The following COL4A5 variants were observed in gnomAD, a reference collection of about 807,000 sequenced individuals.
COL4A5 encodes collagen type IV alpha 5 chain.
In COL4A5, 26 loss-of-function variants were observed where a neutral mutation model predicts 130.2. That is an observed-to-expected ratio of 0.20 (90% confidence interval 0.15 to 0.28). The LOEUF is 0.28. Among genes scored for constraint, COL4A5 ranks in the 10% least tolerant of loss-of-function variants. COL4A5 has a pLI of 1.00. For missense variants in COL4A5, 1,131 were observed against 1,344.3 expected (o/e 0.84, Z 2.48); for synonymous variants, 496 against 439.6 (o/e 1.13, Z -1.60).
intron 50 of COL4A5, chrX:108,694,548 G>A (rs761536678): frequency 2.6e-5 from 10 of 383,029 alleles, no homozygotes; most frequent in Non-Finnish European, 3.2e-5. Flanking sequence ...AGTATGAATA[G>A]ACATTTAGGG....
At chrX:108,664,568 A>T (rs1441617379) in intron 37 of COL4A5, among the ~76,000 whole-genome samples, 1 of 112,219 alleles carries the variant, frequency 8.9e-6, no homozygotes, top group Non-Finnish European at 1.9e-5. Flanking sequence ...GATAGATTAG[A>T]TTTAAATTTT....
chrX:108,567,561 T>C (rs1465080958), intron 4 of COL4A5, among the ~76,000 whole-genome samples: 1 of 111,724 alleles, frequency 9.0e-6, no homozygotes, highest in Non-Finnish European at 1.9e-5. Flanking sequence ...AGTTGTGTAT[T>C]AGTCTGTTCT....
intron 1 of COL4A5, among the ~76,000 whole-genome samples, chrX:108,531,918 T>G (rs2065390901): frequency 9.0e-6 from 1 of 111,393 alleles, no homozygotes; most frequent in South Asian, 3.7e-4. Context: ...AGACCAATAA[T>G]GAGTAGTGAG....
chrX:108,550,287 A>G (rs2065731901), intron 2 of COL4A5, among the ~76,000 whole-genome samples: 1 of 111,929 alleles, frequency 8.9e-6, no homozygotes, highest in Admixed American at 9.5e-5. Context: ...TTAAAATTTT[A>G]GCAAATCAAA....
At chrX:108,483,260 A>G (rs930062597) in intron 1 of COL4A5, among the ~76,000 whole-genome samples, 1 of 107,451 alleles carries the variant, frequency 9.3e-6, no homozygotes, top group African/African-American at 3.4e-5. Flanking sequence ...TGTAAAGGGG[A>G]GTTTATTACG....
At chrX:108,541,307 A>T (rs2147662593) in intron 2 of COL4A5, among the ~76,000 whole-genome samples, 1 of 112,213 alleles carries the variant, frequency 8.9e-6, no homozygotes. Context: ...TTCATATAAT[A>T]GTAGAGTGAT....
intron 1 of COL4A5, among the ~76,000 whole-genome samples, chrX:108,493,213 A>G (rs2065006910): frequency 8.9e-6 from 1 of 111,906 alleles, no homozygotes; most frequent in South Asian, 3.7e-4. Flanking sequence ...GAGGAATTCA[A>G]TAAGTGAGTC....
At position 108,665,475 on chromosome X, in the gene COL4A5, C is replaced by A. The variant is rs368888358; in HGVS notation, c.3374-32C>A. The A allele has an allele frequency of 8.5e-6, 9 of 1,060,021 alleles. No homozygotes were observed. The African/African-American group carries it at 1.5e-4, about 17-fold the overall frequency. 87.4% of individuals were successfully genotyped at this position (1,060,021 alleles called of 1,213,427 possible). ...TAGCTCTTAAAGCAATGCAGTTTTTCTTTCATTTTTAAATTGAGCTCTTTA... is the reference window on the plus strand; with the variant it reads ...TAGCTCTTAAAGCAATGCAGTTTTTATTTCATTTTTAAATTGAGCTCTTTA... On this transcript the variant is annotated intron_variant, in intron 37 of 52. Transcript: ENST00000328300.
chrX:108,468,979 T>C (rs2064736910), intron 1 of COL4A5, among the ~76,000 whole-genome samples: 1 of 110,939 alleles, frequency 9.0e-6, no homozygotes, highest in South Asian at 3.8e-4. Flanking sequence ...TATCTAGCTA[T>C]GGACTTTACT....
intron 1 of COL4A5, among the ~76,000 whole-genome samples, chrX:108,474,909 A>T (rs2147515201): frequency 9.0e-6 from 1 of 111,046 alleles, no homozygotes. Flanking sequence ...CTGACTGTAG[A>T]TGTATGGGTT....
chrX:108,637,328 A>G (rs956248882), intron 36 of COL4A5, among the ~76,000 whole-genome samples: 1 of 111,575 alleles, frequency 9.0e-6, no homozygotes, highest in Non-Finnish European at 1.9e-5. Flanking sequence ...TAATAGCTGT[A>G]AATACTTACA....
chrX:108,536,693 C>A (rs1016743088), intron 1 of COL4A5, among the ~76,000 whole-genome samples: 2 of 111,203 alleles, frequency 1.8e-5, no homozygotes, highest in Middle Eastern at 4.2e-3. Context: ...TACTTTCAGG[C>A]TCAAGGGAAC....
At chrX:108,469,125 A>G (rs773199237) in intron 1 of COL4A5, among the ~76,000 whole-genome samples, 1 of 100,727 alleles carries the variant, frequency 9.9e-6, no homozygotes, top group South Asian at 4.4e-4. Flanking sequence ...AGGTTGCCTA[A>G]TTTACTGGTG....
Position 108,572,992 on chromosome X carries a change from G to A in COL4A5, c.466-582G>A, listed in dbSNP as rs2066089642. 2.7e-5 allele frequency among the ~76,000 whole-genome samples: 3 copies of A among 110,888 alleles called. No homozygotes were observed. In the Admixed American group the frequency reaches 2.9e-4, roughly 11 times the overall value. ...GCTTTTAGGGTCTTTTGTATATATG[G>A]TTTACTTTGCCTAATATTCTTCCTC... On this transcript the variant is annotated intron_variant, in intron 8 of 52. Coordinates refer to ENST00000328300, the MANE Select transcript of COL4A5 (RefSeq NM_033380.3).
chrX:108,693,936 C>T (rs2068680711), intron 50 of COL4A5: 1 of 110,983 alleles, frequency 9.0e-6, no homozygotes, highest in Non-Finnish European at 1.9e-5. Context: ...GCTGGAAATT[C>T]TCGTTCCTTT....
intron 1 of COL4A5, among the ~76,000 whole-genome samples, chrX:108,514,861 T>A (rs1040026873): frequency 9.0e-6 from 1 of 111,401 alleles, no homozygotes; most frequent in African/African-American, 3.3e-5. Flanking sequence ...GTTTGGACAT[T>A]TATAAATTAT....
rs267606312 is a variant in COL4A5, at chrX:108,614,982, C to T, written c.2467C>T (p.Pro823Ser). The change falls in exon 30 of 53, where the codon CCA (proline) becomes TCA (serine). Residue 823 changes from proline to serine, a missense_variant. Coordinates refer to ENST00000328300, the MANE Select transcript of COL4A5 (RefSeq NM_033380.3). Reference sequence around the variant, plus strand: ...GCTGCCAGGAATAGGTGTTCAGGGACCACCAGGACCACCAGGGATTCCTGG... The same window carrying T: ...GCTGCCAGGAATAGGTGTTCAGGGATCACCAGGACCACCAGGGATTCCTGG... ...PGLPGIGVQG[P>S]PGPPGIPGPI... The T allele has an allele frequency of 1.7e-6, 2 of 1,208,462 alleles. No individual in the cohort carries two copies. The highest frequency in any genetic ancestry group is 4.4e-5 in the Admixed American group (2 of 45,955).
intron 49 of COL4A5, among the ~76,000 whole-genome samples, chrX:108,688,205 T>A (rs1324938531): frequency 9.0e-6 from 1 of 111,536 alleles, no homozygotes; most frequent in Non-Finnish European, 1.9e-5. Context: ...ATTGCTGGAG[T>A]CATTTAAAGC....
In COL4A5 at chrX:108,625,743, C is replaced by G. The variant is rs1177516275; in HGVS notation, c.3055C>G (p.Leu1019Val). ...GNPGLPGQPG[L>V]IGPPGLKGTI... is the part of the protein sequence containing the mutation. ...CCCTGGTCTCCCTGGACAGCCAGGT[C>G]TTATAGGACCTCCTGGACTTAAAGG... Residue 1019 changes from leucine (L) to valine (V), a missense_variant, in exon 35 of 53, where the codon CTT becomes GTT. Physicochemically the swap from Leu to Val is conservative, Grantham distance 32. Coordinates refer to ENST00000328300, the MANE Select transcript of COL4A5 (RefSeq NM_033380.3). 8.3e-7 allele frequency: 1 copy of G among 1,206,572 alleles called. No individual in the cohort carries two copies. Among genetic ancestry groups the G allele is most frequent in the Non-Finnish European group, 1.1e-6 (1 of 892,139 alleles).
Sources: gnomAD v4.1 joint callset for allele counts (sites outside exome capture counted in the v4.1 genomes callset) on GRCh38, gnomAD v4.1.1 for gene constraint, MANE v1.5 for transcripts, NCBI Gene and HGNC (gene_info 2026-07-23, HGNC 2026-07-21) for gene names.